The following SFXN2 variants were observed in gnomAD, a reference collection of about 807,000 sequenced individuals.
SFXN2 encodes sideroflexin-2.
In SFXN2, 37 loss-of-function variants were observed where a neutral mutation model predicts 41.9. The observed-to-expected ratio is 0.88, with a 90% CI of 0.68 to 1.16. The LOEUF (loss-of-function observed/expected upper bound fraction) is 1.16. SFXN2 is among the 50% of genes most tolerant of loss of function. The pLI, the probability that SFXN2 is intolerant of heterozygous loss-of-function variation, is 0.00. For missense variants in SFXN2, 386 were observed against 425.2 expected, an observed-to-expected ratio of 0.91 and a Z score of 0.81; for synonymous variants, 150 against 156.7, an observed-to-expected ratio of 0.96 and a Z score of 0.32.
At chr10:102,727,220 T>C in intron 3 of SFXN2, 63 bp downstream of exon 3, 1 of 1,502,492 alleles carries the variant, frequency 6.7e-7, no homozygotes, top group Non-Finnish European at 9.1e-7. Context: ...CAGGGAGCCA[T>C]ACTATGATAA....
intron 1 of SFXN2, among the ~76,000 whole-genome samples, chr10:102,724,626 C>T (rs543792351): frequency 3.9e-4 from 59 of 151,922 alleles, no homozygotes; most frequent in African/African-American, 1.2e-3. Context: ...CACTTGAACA[C>T]GGGAGGCAGA....
At chr10:102,730,693 G>A (rs1189266868) in intron 6 of SFXN2, among the ~76,000 whole-genome samples, 5 of 152,254 alleles carry the variant, frequency 3.3e-5, no homozygotes, top group Non-Finnish European at 7.3e-5. Flanking sequence ...GCTCACGCCT[G>A]TAATCCCAGC....
intron 5 of SFXN2, 34 bp downstream of exon 5, chr10:102,729,428 C>T (rs756800217): frequency 6.8e-6 from 11 of 1,610,428 alleles, no homozygotes; most frequent in South Asian, 1.1e-5. Flanking sequence ...ATGGTGGCCA[C>T]GCGGGGGCAG....
intron 1 of SFXN2, chr10:102,716,856 A>G (rs1333858934): frequency 1.3e-5 from 2 of 152,324 alleles, no homozygotes; most frequent in Non-Finnish European, 2.9e-5. Flanking sequence ...GGTGTGAGCC[A>G]CCGTGCCAGG....
intron 1 of SFXN2, chr10:102,715,199 A>C (rs1402972126): frequency 6.6e-6 from 1 of 152,392 alleles, no homozygotes; most frequent in Non-Finnish European, 1.5e-5. Context: ...CGCCTGGATA[A>C]TTTTTTGTAT....
Position 102,729,316 on chromosome 10 carries a change from C to T in SFXN2, c.432-3C>T, listed in dbSNP as rs921116860. 4 of 1,613,998 alleles carry T rather than the reference C, an allele frequency of 2.5e-6. No homozygotes were observed. The highest frequency in any genetic ancestry group is 1.7e-6 in the Non-Finnish European group (2 of 1,179,980). On this transcript the variant is annotated splice_polypyrimidine_tract_variant and splice_region_variant and intron_variant, in intron 4 of 11. Transcript: ENST00000369893. The stretch of plus-strand genomic sequence containing the variant: ...ACTCCCAAGCATCTCTCTCCTCCCC[C>T]AGGCAGATGGCCCTTTCCTACTTCA...
chr10:102,727,199 G>T, intron 3 of SFXN2, 42 bp downstream of exon 3: 2 of 1,568,832 alleles, frequency 1.3e-6, no homozygotes, highest in Non-Finnish European at 1.7e-6. Flanking sequence ...CAGCTGCCTG[G>T]ATCTGCTGGT....
chr10:102,725,247 T>A (rs2064574612), intron 1 of SFXN2, among the ~76,000 whole-genome samples: 1 of 152,186 alleles, frequency 6.6e-6, no homozygotes, highest in African/African-American at 2.4e-5. Context: ...CTCAGTCTTC[T>A]GGGGAGCCTG....
At chr10:102,729,930 C>A in intron 6 of SFXN2, 122 bp downstream of exon 6, 1 of 1,056,914 alleles carries the variant, frequency 9.5e-7, no homozygotes, top group Non-Finnish European at 1.4e-6. Flanking sequence ...CTGGGCTGAG[C>A]CTCTGAAGGG....
At chr10:102,724,982 G>A (rs1236795502) in intron 1 of SFXN2, 3 of 149,962 alleles carry the variant, frequency 2.0e-5, no homozygotes, top group Admixed American at 6.7e-5. Context: ...TGTACCCTGT[G>A]AGAGGAACTG....
At chr10:102,717,318 A>C (rs2064431344) in intron 1 of SFXN2, among the ~76,000 whole-genome samples, 1 of 151,946 alleles carries the variant, frequency 6.6e-6, no homozygotes, top group Non-Finnish European at 1.5e-5. Context: ...TTTTTAGTAG[A>C]GACAGAGTTT....
intron 1 of SFXN2, among the ~76,000 whole-genome samples, chr10:102,725,767 C>T (rs2064583332): frequency 1.3e-5 from 2 of 152,080 alleles, no homozygotes; most frequent in South Asian, 4.2e-4. Context: ...GTGGTATGTG[C>T]CTGTAGTCCC....
intron 1 of SFXN2, among the ~76,000 whole-genome samples, chr10:102,719,321 A>G (rs926628054): frequency 2.6e-5 from 4 of 151,006 alleles, no homozygotes; most frequent in African/African-American, 9.8e-5. Context: ...TCCTGGGTTC[A>G]ATCAATTCTT....
At chr10:102,732,091 T>G (rs1159294188) in intron 7 of SFXN2, 61 bp from the exon 8 acceptor site, 3 of 1,500,422 alleles carry the variant, frequency 2.0e-6, no homozygotes, top group Non-Finnish European at 2.7e-6. Context: ...CCCAGCCCCC[T>G]GGTGCAGCAC....
rs2064810331 is a variant in SFXN2 at position 102,738,504 on chromosome 10, C to G, written c.*742C>G. The G allele has an allele frequency of 6.6e-6, 1 of 152,094 alleles. No individual in the cohort carries two copies. Among genetic ancestry groups the G allele is most frequent in the Non-Finnish European group, 1.5e-5 (1 of 68,052 alleles). The allele number at this position is 152,094 out of a possible 1,614,324, so 9.4% of individuals were successfully genotyped here. A position where few individuals can be genotyped will look rare whatever the true frequency, so the allele number is the denominator to read the frequency against. On this transcript the variant is annotated 3_prime_UTR_variant, in exon 12 of 12. Transcript: ENST00000369893. ...TGGAGACGGGGTTTCACCATGCTGG[C>G]CAGACTGGTCTCGAACTCCTGACCT...
intron 6 of SFXN2, among the ~76,000 whole-genome samples, chr10:102,731,051 G>T (rs1432760005): frequency 4.0e-5 from 6 of 151,718 alleles, no homozygotes; most frequent in African/African-American, 1.5e-4. Flanking sequence ...TCGCACCACT[G>T]CACTCCAGCC....
At chr10:102,716,423 G>A (rs2064414526) in intron 1 of SFXN2, 2 of 151,752 alleles carry the variant, frequency 1.3e-5, no homozygotes, top group African/African-American at 4.8e-5. Flanking sequence ...TACCTCAGAA[G>A]GAATTTGGAA....
rs35089962 is a variant in SFXN2, at chr10:102,734,272, C to T, written c.821+669C>T. 4.3e-3 allele frequency among the ~76,000 whole-genome samples: 652 copies of T among 152,262 alleles called. 6 individuals carry two copies. The highest frequency in any genetic ancestry group is 6.1e-3 in the Non-Finnish European group (417 of 68,018). On this transcript the variant is annotated intron_variant, in intron 10 of 11. Coordinates refer to ENST00000369893, the MANE Select transcript of SFXN2 (RefSeq NM_178858.6). This position sits in a 1 kb window ranked among gnomAD's most constrained non-coding sequence, Gnocchi z 4.1. ...CACAGGAGGGAAATGCCACCAGTCA[C>T]GTCAGGGTTCTTAGGTATCTGCCAT... is the stretch of plus-strand genomic sequence containing the variant.
At chr10:102,732,827 C>T in intron 8 of SFXN2, 32 bp from the exon 9 acceptor site, 1 of 1,610,840 alleles carries the variant, frequency 6.2e-7, no homozygotes, top group Non-Finnish European at 8.5e-7. Flanking sequence ...GCCTCCCAGC[C>T]CTCCCCTCAG....
Sources: allele counts gnomAD v4.1 joint callset (sites outside exome capture counted in the v4.1 genomes callset), GRCh38; gene constraint gnomAD v4.1.1; non-coding constraint Gnocchi (gnomAD v3.1); transcripts MANE v1.5; gene names NCBI Gene and HGNC (gene_info 2026-07-23, HGNC 2026-07-21).